Variants in PLCL2 observed in about 807,000 individuals in gnomAD.
The protein encoded by PLCL2 is phospholipase C like 2, also known as inactive phospholipase C-like protein 2.
PLCL2 carries 4 observed loss-of-function variants against 79.6 expected under a neutral mutation model. The ratio of observed to expected loss-of-function variants is 0.05; its 90% CI spans 0.02 to 0.11. The LOEUF is 0.11. Among genes scored for constraint, PLCL2 ranks in the 10% least tolerant of loss-of-function variants. PLCL2 has a pLI of 1.00. For synonymous variants in PLCL2, 484 were observed against 457.7 expected (o/e 1.06, Z -0.73); for missense variants, 895 against 1,291.0 (o/e 0.69, Z 4.70).
intron 1 of PLCL2, among the ~76,000 whole-genome samples, chr3:16,908,864 T>C (rs542552046): frequency 5.3e-5 from 8 of 152,244 alleles, no homozygotes; most frequent in East Asian, 3.8e-4. Flanking sequence ...ATTGGAAATA[T>C]ATAATGTATC....
chr3:16,942,607 G>T (rs1268129448), intron 1 of PLCL2, among the ~76,000 whole-genome samples: 1 of 152,090 alleles, frequency 6.6e-6, no homozygotes, highest in South Asian at 2.1e-4. Flanking sequence ...TATCACGCTT[G>T]CCACTTTTCC....
At chr3:16,987,621 C>T (rs1384084185) in intron 1 of PLCL2, among the ~76,000 whole-genome samples, 1 of 151,996 alleles carries the variant, frequency 6.6e-6, no homozygotes, top group African/African-American at 2.4e-5. Context: ...AAAACTGACA[C>T]TAAATAAGAT....
At chr3:16,900,959 T>A (rs1696603616) in intron 1 of PLCL2, among the ~76,000 whole-genome samples, 1 of 152,212 alleles carries the variant, frequency 6.6e-6, no homozygotes, top group African/African-American at 2.4e-5. Flanking sequence ...GGAGTGGCAC[T>A]GTTTGAGGTG....
At chr3:16,927,855 G>A (rs1331727536) in intron 1 of PLCL2, among the ~76,000 whole-genome samples, 1 of 152,204 alleles carries the variant, frequency 6.6e-6, no homozygotes, top group African/African-American at 2.4e-5. Context: ...ATAAGTTTGG[G>A]AAACCCTTAT....
intron 1 of PLCL2, among the ~76,000 whole-genome samples, chr3:16,972,847 C>T (rs1369605314): frequency 6.6e-6 from 1 of 152,014 alleles, no homozygotes; most frequent in Non-Finnish European, 1.5e-5. Context: ...AGATTTTTCT[C>T]CATCTGTTTA....
At chr3:16,927,318 A>C (rs567139325) in intron 1 of PLCL2, among the ~76,000 whole-genome samples, 2 of 152,216 alleles carry the variant, frequency 1.3e-5, no homozygotes, top group Non-Finnish European at 2.9e-5. Flanking sequence ...TTATGCTACA[A>C]ATGTGTTGTA....
At chr3:16,910,511 C>T (rs1361776463) in intron 1 of PLCL2, among the ~76,000 whole-genome samples, 1 of 152,062 alleles carries the variant, frequency 6.6e-6, no homozygotes, top group Non-Finnish European at 1.5e-5. Context: ...TCTTTTCAGT[C>T]CCCTTTTCTG....
intron 1 of PLCL2, among the ~76,000 whole-genome samples, chr3:16,907,377 T>A (rs1036732): frequency 0.022 from 3,299 of 152,290 alleles, 127 homozygotes; most frequent in African/African-American, 0.075. Context: ...GTGATTTGTG[T>A]GCACAGATAA....
At chr3:17,076,187 T>C (rs2065107044) in intron 5 of PLCL2, among the ~76,000 whole-genome samples, 1 of 152,194 alleles carries the variant, frequency 6.6e-6, no homozygotes. Flanking sequence ...CTTGGAATTA[T>C]CAGTTTTGTC....
At chr3:16,913,695 TTATG>T (rs1241613851) in intron 1 of PLCL2, among the ~76,000 whole-genome samples, 7 of 152,024 alleles carry the variant, frequency 4.6e-5, no homozygotes, top group African/African-American at 1.4e-4. Flanking sequence ...ATAAATATAT[TTATG>T]TATGTGTATA....
chr3:16,903,839 G>A lies in PLCL2; in HGVS notation c.327+18473G>A, dbSNP rs370439335. On this transcript the variant is annotated intron_variant, in intron 1 of 5. Transcript: ENST00000615277. The stretch of plus-strand genomic sequence containing the variant: ...GGAACATGGTATCATACACACTCAA[G>A]GTTGCTGACATTTCTTCTAATATTC... Among the ~76,000 whole-genome samples the A allele has an allele frequency of 3.3e-5, 5 of 152,328 alleles. No individual in the cohort carries two copies. In the South Asian group the frequency reaches 6.2e-4, roughly 19 times the overall value.
intron 3 of PLCL2, among the ~76,000 whole-genome samples, chr3:17,032,714 G>A (rs1244124223): frequency 6.6e-6 from 1 of 152,086 alleles, no homozygotes; most frequent in Non-Finnish European, 1.5e-5. Context: ...GGAACCAAAG[G>A]CAATAAACTG....
At chr3:17,085,252 C>A (rs1465287500) in intron 5 of PLCL2, among the ~76,000 whole-genome samples, 3 of 151,976 alleles carry the variant, frequency 2.0e-5, no homozygotes, top group Non-Finnish European at 4.4e-5. Flanking sequence ...CCTCCCACCT[C>A]AGCCTCACAA....
In PLCL2 at chr3:16,895,972, T is replaced by A. The variant is rs138727729; in HGVS notation, c.327+10606T>A. Among the ~76,000 whole-genome samples, 1,192 of 152,288 alleles carry A rather than the reference T, an allele frequency of 7.8e-3. 17 individuals carry two copies. Among genetic ancestry groups the A allele is most frequent in the African/African-American group, 0.027 (1,115 of 41,544 alleles). On this transcript the variant is annotated intron_variant, in intron 1 of 5. Coordinates refer to ENST00000615277, the MANE Select transcript of PLCL2 (RefSeq NM_001144382.2). Reference sequence around the variant, plus strand: ...TAATAATTGAGGGAGGAAGCAAGGGTCCTACTGGGTGCCAGTGATGTTTGG... The same window carrying A: ...TAATAATTGAGGGAGGAAGCAAGGGACCTACTGGGTGCCAGTGATGTTTGG...
chr3:17,016,661 A>C (rs2064387956), intron 3 of PLCL2, among the ~76,000 whole-genome samples: 1 of 152,228 alleles, frequency 6.6e-6, no homozygotes, highest in African/African-American at 2.4e-5. Flanking sequence ...GGGGAAATAG[A>C]AGAAGGGGTA....
intron 1 of PLCL2, among the ~76,000 whole-genome samples, chr3:16,997,826 CTG>C (rs2064169495): frequency 6.6e-6 from 1 of 152,154 alleles, no homozygotes; most frequent in African/African-American, 2.4e-5. Flanking sequence ...GCATGAGCCA[CTG>C]TGTCCAGCCA....
chr3:17,057,856 T>C (rs2064906541), intron 4 of PLCL2, among the ~76,000 whole-genome samples: 1 of 152,202 alleles, frequency 6.6e-6, no homozygotes, highest in Admixed American at 6.5e-5. Context: ...TGAGCTGAAT[T>C]GAATACAGAA....
intron 1 of PLCL2, among the ~76,000 whole-genome samples, chr3:16,912,837 C>T (rs1368298459): frequency 1.3e-5 from 2 of 152,174 alleles, no homozygotes; most frequent in African/African-American, 4.8e-5. Flanking sequence ...CTTTTTGAGA[C>T]ATTGGTGTTG....
chr3:16,965,920 G>A (rs551485012), intron 1 of PLCL2, among the ~76,000 whole-genome samples: 1 of 152,194 alleles, frequency 6.6e-6, no homozygotes, highest in East Asian at 1.9e-4. Context: ...GGAGATTTGG[G>A]GCTGAGACGA....
Sources: allele counts gnomAD v4.1 joint callset (sites outside exome capture counted in the v4.1 genomes callset), GRCh38; gene constraint gnomAD v4.1.1; transcripts MANE v1.5; gene names NCBI Gene and HGNC (gene_info 2026-07-23, HGNC 2026-07-21).